The following APBA1 variants were observed in gnomAD, a reference collection of about 807,000 sequenced individuals.
The protein encoded by APBA1 is amyloid beta precursor protein binding family A member 1.
A neutral mutation model predicts 86.6 loss-of-function variants in APBA1; 55 were observed. The ratio of observed to expected loss-of-function variants is 0.64; its 90% CI spans 0.51 to 0.80. The LOEUF (loss-of-function observed/expected upper bound fraction) is 0.80, where lower values mean the gene tolerates loss of function less well. Among genes scored for constraint, APBA1 ranks in the 30% least tolerant of loss-of-function variants. APBA1 has a pLI of 0.00. For synonymous variants in APBA1, 511 were observed against 493.9 expected (o/e 1.03, Z -0.46); for missense variants, 1,090 against 1,183.0 (o/e 0.92, Z 1.15).
Position 69,476,055 on chromosome 9 carries a change from T to C in APBA1, c.1289A>G (p.Asn430Ser). Residue 430 changes from asparagine to serine, a missense_variant, in exon 3 of 13, where the codon AAT (asparagine) becomes AGT (serine). This residue lies in a region of APBA1 where 678 missense variants were observed against 647.1 expected (regional missense o/e 1.05). Transcript: ENST00000265381. ...HPSDPVEAST[N>S]KESRKSLASF... is the part of the protein sequence containing the mutation. ...AACAAAACAGCACCCTACCTCTTTA[T>C]TAGTGGACGCTTCCACAGGGTCACT... The C allele has an allele frequency of 1.9e-6, 3 of 1,613,882 alleles. No homozygotes were observed. The highest frequency in any genetic ancestry group is 4.5e-5 in the East Asian group (2 of 44,884).
rs1359827050 is a variant in APBA1 at position 69,431,416 on chromosome 9, A to G, written c.2443-18T>C. ...ATATGAATCTGAGGGTAAAGAACAC[A>G]CTTTAGTGGGGGGCTGAGGCTGGGG... On this transcript the variant is annotated intron_variant, in intron 12 of 12. Coordinates refer to ENST00000265381, the MANE Select transcript of APBA1 (RefSeq NM_001163.4). 6.2e-7 allele frequency: 1 copy of G among 1,608,924 alleles called. No individual in the cohort carries two copies. The highest frequency in any genetic ancestry group is 8.5e-7 in the Non-Finnish European group (1 of 1,177,020).
intron 1 of APBA1, among the ~76,000 whole-genome samples, chr9:69,589,422 C>T (rs1292131063): frequency 6.6e-6 from 1 of 152,184 alleles, no homozygotes; most frequent in Non-Finnish European, 1.5e-5. Flanking sequence ...CTGCTCTTTC[C>T]ATGTAACAAG....
chr9:69,601,142 A>G (rs1433810842), intron 1 of APBA1, among the ~76,000 whole-genome samples: 1 of 152,234 alleles, frequency 6.6e-6, no homozygotes, highest in Admixed American at 6.5e-5. Flanking sequence ...ATTGTGAACA[A>G]GATAGAATAA....
At chr9:69,670,673 G>C (rs1823931088) in intron 1 of APBA1, among the ~76,000 whole-genome samples, 2 of 152,040 alleles carry the variant, frequency 1.3e-5, no homozygotes, top group South Asian at 4.1e-4. Context: ...TCTTTACCAC[G>C]CAGAGACAAT....
At chr9:69,522,042 G>A (rs572678913) in intron 1 of APBA1, among the ~76,000 whole-genome samples, 209 of 148,776 alleles carry the variant, frequency 1.4e-3, no homozygotes, top group African/African-American at 4.9e-3. Context: ...TTCTCTCTCC[G>A]TCTCACACAT....
At chr9:69,530,243 G>A (rs986023858) in intron 1 of APBA1, among the ~76,000 whole-genome samples, 1 of 150,800 alleles carries the variant, frequency 6.6e-6, no homozygotes, top group African/African-American at 2.4e-5. Flanking sequence ...CAATAGCAAA[G>A]TTATGGAATC....
intron 1 of APBA1, among the ~76,000 whole-genome samples, chr9:69,527,178 C>A (rs935415098): frequency 8.6e-5 from 13 of 151,988 alleles, no homozygotes; most frequent in African/African-American, 3.1e-4. Context: ...CAGCATCATG[C>A]AGTATACCCA....
intron 1 of APBA1, among the ~76,000 whole-genome samples, chr9:69,612,328 G>A (rs2133982981): frequency 6.6e-6 from 1 of 152,128 alleles, no homozygotes; most frequent in East Asian, 1.9e-4. Flanking sequence ...TTAGGGAAAT[G>A]TAAGTGGGAT....
Position 69,670,823 on chromosome 9 carries a change from C to G in APBA1, c.-70+1330G>C, listed in dbSNP as rs1003919500. On this transcript the variant is annotated intron_variant, in intron 1 of 12. Coordinates refer to ENST00000265381, the MANE Select transcript of APBA1 (RefSeq NM_001163.4). Reference sequence around the variant, plus strand: ...CAGGGACTTTACTGACCTGGGACCCCATCGCTGTGGGTCTCAGGAGATTTC... The same window carrying G: ...CAGGGACTTTACTGACCTGGGACCCGATCGCTGTGGGTCTCAGGAGATTTC... Among the ~76,000 whole-genome samples the G allele has an allele frequency of 2.0e-5, 3 of 152,158 alleles. 1 individual carries two copies. The South Asian group carries it at 6.2e-4, about 32-fold the overall frequency.
At position 69,578,471 on chromosome 9, in the gene APBA1, T is replaced by C. The variant is rs111320035; in HGVS notation, c.-69-61192A>G. ...GGGTCTTCTCACCTTCACTCATTTCTCCTCTCTAAATACCACCCTGAATTT... is the reference window on the plus strand; with the variant it reads ...GGGTCTTCTCACCTTCACTCATTTCCCCTCTCTAAATACCACCCTGAATTT... On this transcript the variant is annotated intron_variant, in intron 1 of 12. Transcript: ENST00000265381. Among the ~76,000 whole-genome samples, 1,302 of 152,310 alleles carry C rather than the reference T, an allele frequency of 8.5e-3. 19 individuals are homozygous for C. Among genetic ancestry groups the C allele is most frequent in the African/African-American group, 0.03 (1,228 of 41,570 alleles).
In APBA1 at chr9:69,429,166, C is replaced by T. The variant is rs372516587; in HGVS notation, c.*2161G>A. 1 of 152,196 alleles carries T rather than the reference C, an allele frequency of 6.6e-6. No individual in the cohort carries two copies. Among genetic ancestry groups the T allele is most frequent in the South Asian group, 2.1e-4 (1 of 4,828 alleles). 9.4% of individuals were successfully genotyped at this position (152,196 alleles called of 1,614,324 possible). A position where few individuals can be genotyped will look rare whatever the true frequency, so the allele number is the denominator to read the frequency against. On this transcript the variant is annotated 3_prime_UTR_variant, in exon 13 of 13. Transcript: ENST00000265381. ...AGGCATGGGCCCCTACGATGATTTT[C>T]CAAGGCTCCTGATGCCTGAAATACC...
At chr9:69,552,632 G>C (rs1836804199) in intron 1 of APBA1, among the ~76,000 whole-genome samples, 1 of 152,190 alleles carries the variant, frequency 6.6e-6, no homozygotes, top group African/African-American at 2.4e-5. Flanking sequence ...TTCAAGACTA[G>C]AACTTATTGT....
intron 1 of APBA1, among the ~76,000 whole-genome samples, chr9:69,541,842 T>C (rs138469218): frequency 1.8e-4 from 28 of 152,254 alleles, no homozygotes; most frequent in African/African-American, 6.5e-4. Context: ...TTAAAAGTAA[T>C]TTATTAAAAT....
chr9:69,465,661 T>C (rs2133825817), intron 5 of APBA1: 1 of 152,346 alleles, frequency 6.6e-6, no homozygotes. Flanking sequence ...TCCGTAGCAT[T>C]GTTTAGTCTC....
chr9:69,635,584 C>T (rs150844909), intron 1 of APBA1, among the ~76,000 whole-genome samples: 13 of 152,098 alleles, frequency 8.5e-5, no homozygotes, highest in African/African-American at 2.9e-4. Context: ...ACCCAATGAT[C>T]TGTTGCCTAA....
intron 10 of APBA1, among the ~76,000 whole-genome samples, chr9:69,447,547 G>T (rs2133803467): frequency 6.6e-6 from 1 of 152,250 alleles, no homozygotes; most frequent in African/African-American, 2.4e-5. Context: ...AACCCAAACA[G>T]TCTCCATACA....
intron 1 of APBA1, among the ~76,000 whole-genome samples, chr9:69,611,531 T>C (rs796112869): frequency 5.3e-5 from 8 of 152,300 alleles, no homozygotes; most frequent in African/African-American, 1.9e-4. Context: ...AGTTAAAAGA[T>C]TTTTTAAAAA....
chr9:69,653,351 C>A (rs1823545750), intron 1 of APBA1, among the ~76,000 whole-genome samples: 1 of 152,034 alleles, frequency 6.6e-6, no homozygotes, highest in Non-Finnish European at 1.5e-5. Flanking sequence ...GACTACAATA[C>A]AATAATAGCA....
chr9:69,653,496 C>T (rs1588413725), intron 1 of APBA1, among the ~76,000 whole-genome samples: 1 of 152,316 alleles, frequency 6.6e-6, no homozygotes, highest in Middle Eastern at 3.4e-3. Flanking sequence ...CATCCAACAG[C>T]TACAGAATAC....
Sources: allele counts gnomAD v4.1 joint callset (sites outside exome capture counted in the v4.1 genomes callset), GRCh38; gene constraint gnomAD v4.1.1; regional missense constraint gnomAD v4.1.1; transcripts MANE v1.5; gene names NCBI Gene and HGNC (gene_info 2026-07-23, HGNC 2026-07-21).